Variants in TSPAN9 observed in about 807,000 individuals in gnomAD.
TSPAN9 encodes tetraspanin 9.
TSPAN9 carries 16 observed loss-of-function variants against 31.0 expected under a neutral mutation model. That is an observed-to-expected ratio of 0.52 (90% confidence interval 0.35 to 0.78). The LOEUF is 0.78. Ranked by LOEUF, TSPAN9 falls within the 30% of genes least tolerant of loss-of-function variation. The probability of loss-of-function intolerance (pLI) is 0.01; values close to 1 mark genes in which losing one functional copy is unlikely to be tolerated. For synonymous variants in TSPAN9, 145 were observed against 121.6 expected (o/e 1.19, Z -1.27); for missense variants, 272 against 312.5 (o/e 0.87, Z 0.98).
chr12:3,251,558 C>T (rs1329321082), intron 3 of TSPAN9, among the ~76,000 whole-genome samples: 2 of 149,272 alleles, frequency 1.3e-5, no homozygotes, highest in Admixed American at 1.3e-4. Context: ...AAATTAAAGT[C>T]ATTCACAATG....
chr12:3,201,073 C>T (rs998260526), intron 2 of TSPAN9, 104 bp from the exon 3 acceptor site: 8 of 1,131,196 alleles, frequency 7.1e-6, no homozygotes, highest in Non-Finnish European at 1.0e-5. Flanking sequence ...GCTCCCGGGG[C>T]CAGAGCCGCG....
At chr12:3,095,631 G>T (rs1591625329) in intron 2 of TSPAN9, among the ~76,000 whole-genome samples, 1 of 86,346 alleles carries the variant, frequency 1.2e-5, no homozygotes, top group East Asian at 3.4e-4. Context: ...GCGGAGGGCT[G>T]ACCCCCCCCA....
At chr12:3,213,438 T>G (rs75345791) in intron 3 of TSPAN9, among the ~76,000 whole-genome samples, 1 of 151,964 alleles carries the variant, frequency 6.6e-6, no homozygotes, top group African/African-American at 2.4e-5. Context: ...AGGAGCTCTT[T>G]ATGTCTGAGC....
At chr12:3,133,555 T>C (rs774376124) in intron 2 of TSPAN9, among the ~76,000 whole-genome samples, 4 of 152,208 alleles carry the variant, frequency 2.6e-5, no homozygotes, top group Non-Finnish European at 4.4e-5. Context: ...TGCAGTCATC[T>C]TCCCCCCACC....
At chr12:3,105,753 C>T (rs1034336015) in intron 2 of TSPAN9, among the ~76,000 whole-genome samples, 3 of 93,712 alleles carry the variant, frequency 3.2e-5, no homozygotes, top group Non-Finnish European at 7.5e-5. Context: ...CACACTCACA[C>T]ACACGCACAC....
chr12:3,281,910 C>T (rs550303975), intron 8 of TSPAN9, 93 bp downstream of exon 8: 18 of 1,372,630 alleles, frequency 1.3e-5, no homozygotes, highest in Middle Eastern at 1.8e-4. Context: ...TGTTGGTACA[C>T]GGCGGAGGGT....
chr12:3,279,965 C>G (rs1431175482), intron 5 of TSPAN9, among the ~76,000 whole-genome samples: 1 of 149,650 alleles, frequency 6.7e-6, no homozygotes, highest in Non-Finnish European at 1.5e-5. Context: ...CTTCCTCCCT[C>G]TAGTTCCCAG....
intron 3 of TSPAN9, among the ~76,000 whole-genome samples, chr12:3,226,431 C>T (rs1025768587): frequency 5.3e-5 from 8 of 151,712 alleles, no homozygotes; most frequent in Non-Finnish European, 8.8e-5. Flanking sequence ...ATCCTCTGGC[C>T]GTGAGCATTC....
chr12:3,276,450 C>T (rs1301040339), intron 3 of TSPAN9, among the ~76,000 whole-genome samples: 9 of 152,204 alleles, frequency 5.9e-5, no homozygotes, highest in East Asian at 3.9e-4. Flanking sequence ...ACACGGCCAG[C>T]GTGCTCCTCC....
chr12:3,281,166 G>A (rs2153981022), intron 6 of TSPAN9, 32 bp from the exon 7 acceptor site: 2 of 1,550,266 alleles, frequency 1.3e-6, no homozygotes, highest in East Asian at 2.4e-5. Flanking sequence ...GCCATGGCAT[G>A]TCTGACTGCC....
intron 2 of TSPAN9, among the ~76,000 whole-genome samples, chr12:3,090,685 G>A (rs1261737201): frequency 1.3e-5 from 2 of 152,270 alleles, no homozygotes; most frequent in African/African-American, 2.4e-5. Flanking sequence ...ACGGCACAAG[G>A]AGGGTATGTG....
intron 2 of TSPAN9, among the ~76,000 whole-genome samples, chr12:3,085,199 A>G (rs2098299826): frequency 6.6e-6 from 1 of 151,108 alleles, no homozygotes; most frequent in Non-Finnish European, 1.5e-5. Context: ...CTTTGTCCCT[A>G]TTAAAAAAAA....
rs1249474276 is a variant in TSPAN9, at chr12:3,192,233, AAT to A, written c.-17-8943_-17-8942del. 6.6e-6 allele frequency among the ~76,000 whole-genome samples: 1 copy of A among 152,190 alleles called. No individual in the cohort carries two copies. The highest frequency in any genetic ancestry group is 1.5e-5 in the Non-Finnish European group (1 of 68,034). On this transcript the variant is annotated intron_variant, in intron 2 of 8. Transcript: ENST00000011898. The surrounding 1 kb of genome is among the most constrained non-coding windows in gnomAD (Gnocchi z 4.6). ...AACACACAGGCACACACACAATTGTAATCCAAGTAAGATGGGAAGCCACTGAT... is the reference window on the plus strand; with the variant it reads ...AACACACAGGCACACACACAATTGTACCAAGTAAGATGGGAAGCCACTGAT...
At chr12:3,136,362 G>A (rs540662648) in intron 2 of TSPAN9, among the ~76,000 whole-genome samples, 6 of 152,296 alleles carry the variant, frequency 3.9e-5, no homozygotes, top group South Asian at 2.1e-4. Context: ...AAGCCTTTGC[G>A]TGGGGCTCGA....
intron 3 of TSPAN9, among the ~76,000 whole-genome samples, chr12:3,272,249 G>A (rs1862693308): frequency 6.6e-6 from 1 of 152,170 alleles, no homozygotes; most frequent in Non-Finnish European, 1.5e-5. Flanking sequence ...CAACCTGAGG[G>A]CACTGGGGGT....
chr12:3,188,221 G>A lies in TSPAN9; in HGVS notation c.-17-12956G>A, dbSNP rs191831888. Among the ~76,000 whole-genome samples, 1,512 of 151,978 alleles carry A rather than the reference G, an allele frequency of 9.9e-3. 26 individuals are homozygous for A. The highest frequency in any genetic ancestry group is 0.034 in the African/African-American group (1,415 of 41,252). On this transcript the variant is annotated intron_variant, in intron 2 of 8. Transcript: ENST00000011898. The stretch of plus-strand genomic sequence containing the variant: ...CCCATTATACTGATGAGGAAACAGA[G>A]GCATGCTCACATTCATTCATTCATT...
chr12:3,105,812 A>G (rs371277497), intron 2 of TSPAN9, among the ~76,000 whole-genome samples: 123 of 149,230 alleles, frequency 8.2e-4, no homozygotes, highest in African/African-American at 2.9e-3. Context: ...ATGCGCACAC[A>G]CGCACACGCG....
chr12:3,244,391 A>T (rs1326934375), intron 3 of TSPAN9, among the ~76,000 whole-genome samples: 1 of 150,176 alleles, frequency 6.7e-6, no homozygotes, highest in African/African-American at 2.5e-5. Context: ...AGCCCCACCT[A>T]CTCCCGCTCC....
chr12:3,175,318 A>T (rs10848817), intron 2 of TSPAN9, among the ~76,000 whole-genome samples: 143,721 of 152,212 alleles, frequency 0.94, 68,359 homozygotes, highest in East Asian at 1. Context: ...TGGAGGTGGG[A>T]GTGAGACAGA....
Sources: allele counts gnomAD v4.1 joint callset (sites outside exome capture counted in the v4.1 genomes callset), GRCh38; gene constraint gnomAD v4.1.1; non-coding constraint Gnocchi (gnomAD v3.1); transcripts MANE v1.5; gene names NCBI Gene and HGNC (gene_info 2026-07-23, HGNC 2026-07-21).